Variants in PCDH15 observed in about 807,000 individuals in gnomAD.
PCDH15 encodes the protein protocadherin-15.
In PCDH15, 129 loss-of-function variants were observed where a neutral mutation model predicts 178.5. That is an observed-to-expected ratio of 0.72 (90% CI 0.63 to 0.84). The LOEUF is 0.84. Ranked by LOEUF, PCDH15 falls within the 40% of genes least tolerant of loss-of-function variation. The pLI, the probability that PCDH15 is intolerant of heterozygous loss-of-function variation, is 0.00. For missense variants in PCDH15, 2,230 were observed against 2,099.9 expected, an observed-to-expected ratio of 1.06 and a Z score of -1.21; for synonymous variants, 800 against 732.0, an observed-to-expected ratio of 1.09 and a Z score of -1.50.
At chr10:54,577,141 G>T (rs2090558248) in intron 2 of PCDH15, among the ~76,000 whole-genome samples, 1 of 151,660 alleles carries the variant, frequency 6.6e-6, no homozygotes. Context: ...GGAGTGCAGT[G>T]ACGCGATCTC....
chr10:55,506,251 T>C (rs1359469547), intron 2 of PCDH15: 1 of 151,530 alleles, frequency 6.6e-6, no homozygotes, highest in Non-Finnish European at 1.5e-5. Context: ...GGATGGACAC[T>C]GGAGAAGACA....
chr10:54,370,907 T>C (rs1947561341), intron 4 of PCDH15, among the ~76,000 whole-genome samples: 1 of 151,882 alleles, frequency 6.6e-6, no homozygotes, highest in African/African-American at 2.4e-5. Flanking sequence ...AATTTGTAGC[T>C]GTCTGAATGA....
chr10:55,364,365 T>C (rs1405506874), intron 2 of PCDH15, among the ~76,000 whole-genome samples: 1 of 152,210 alleles, frequency 6.6e-6, no homozygotes, highest in Non-Finnish European at 1.5e-5. Flanking sequence ...TATAGAATTC[T>C]GGCTTCACAG....
intron 2 of PCDH15, among the ~76,000 whole-genome samples, chr10:55,517,083 T>C (rs1384516568): frequency 2.6e-5 from 4 of 151,886 alleles, no homozygotes; most frequent in Non-Finnish European, 1.5e-5. Context: ...CTACTAAGGG[T>C]ATTTGAAAAA....
chr10:54,920,668 C>G (rs763685845), intron 2 of PCDH15, among the ~76,000 whole-genome samples: 3 of 151,962 alleles, frequency 2.0e-5, no homozygotes, highest in Non-Finnish European at 2.9e-5. Context: ...ATACACAAAG[C>G]CTTCACTAAC....
intron 3 of PCDH15, among the ~76,000 whole-genome samples, chr10:54,401,024 G>A (rs1360097390): frequency 1.3e-5 from 2 of 151,860 alleles, no homozygotes; most frequent in Non-Finnish European, 2.9e-5. Flanking sequence ...TTAAATGCAG[G>A]ACATGTATTT....
Position 54,399,242 on chromosome 10 carries a change from A to G in PCDH15, c.158-20300T>C, listed in dbSNP as rs564276254. Among the ~76,000 whole-genome samples, 28 of 152,084 alleles carry G rather than the reference A, an allele frequency of 1.8e-4. No individual in the cohort carries two copies. The South Asian group carries it at 5.8e-3, about 32-fold the overall frequency. On this transcript the variant is annotated intron_variant, in intron 3 of 37. Transcript: ENST00000644397. ...GCAGACAACTTTTGTAGGACATGGA[A>G]AAGAAGCCACTGAAGTTCAGTGTGT...
At chr10:54,442,170 A>C (rs1293051439) in intron 3 of PCDH15, among the ~76,000 whole-genome samples, 3 of 151,094 alleles carry the variant, frequency 2.0e-5, no homozygotes, top group African/African-American at 7.3e-5. Context: ...TTCTTCCTAC[A>C]GCAACTTCTG....
intron 2 of PCDH15, among the ~76,000 whole-genome samples, chr10:54,970,557 T>A (rs1437066741): frequency 2.0e-5 from 3 of 152,200 alleles, no homozygotes; most frequent in African/African-American, 7.2e-5. Context: ...TAGATTTTTT[T>A]CTGCAGTTTC....
At chr10:55,066,192 T>C (rs144734512) in intron 2 of PCDH15, among the ~76,000 whole-genome samples, 1 of 150,888 alleles carries the variant, frequency 6.6e-6, no homozygotes, top group Admixed American at 6.6e-5. Context: ...TTCTCTCTTA[T>C]TTCTCCCTTA....
chr10:54,355,477 T>G (rs1344040966), intron 5 of PCDH15, among the ~76,000 whole-genome samples: 2 of 152,054 alleles, frequency 1.3e-5, no homozygotes, highest in Non-Finnish European at 2.9e-5. Flanking sequence ...TATTCATTCT[T>G]AAACACTGTG....
chr10:55,615,675 C>A (rs552937008), intron 2 of PCDH15, among the ~76,000 whole-genome samples: 1 of 152,036 alleles, frequency 6.6e-6, no homozygotes, highest in South Asian at 2.1e-4. Flanking sequence ...CCAGATCAGC[C>A]TGGGCAACAT....
At chr10:55,219,880 T>TCA (rs71461286) in intron 1 of PCDH15, among the ~76,000 whole-genome samples, 11,999 of 143,700 alleles carry the variant, frequency 0.084, 484 homozygotes, top group African/African-American at 0.1. Context: ...CTGATATCAG[T>TCA]CACACACACA....
chr10:55,298,645 G>A (rs892699742), intron 1 of PCDH15, among the ~76,000 whole-genome samples: 2 of 151,906 alleles, frequency 1.3e-5, no homozygotes, highest in South Asian at 2.1e-4. Flanking sequence ...GTAGTGGAGT[G>A]ATCTGGGCTC....
At chr10:54,962,469 G>A (rs1321125418) in intron 2 of PCDH15, among the ~76,000 whole-genome samples, 1 of 152,228 alleles carries the variant, frequency 6.6e-6, no homozygotes, top group Admixed American at 6.5e-5. Context: ...CCTTCTGGGA[G>A]CCCAGACCTT....
chr10:54,295,354 T>C (rs533940477), intron 8 of PCDH15, among the ~76,000 whole-genome samples: 154 of 152,290 alleles, frequency 1.0e-3, no homozygotes, highest in African/African-American at 3.6e-3. Context: ...CAGCAGGATG[T>C]GGGCGGGGCC....
chr10:54,100,918 G>C (rs917690715), intron 15 of PCDH15, among the ~76,000 whole-genome samples: 23 of 151,532 alleles, frequency 1.5e-4, no homozygotes, highest in African/African-American at 4.9e-4. Flanking sequence ...TGCTCTTCAT[G>C]TCCACTTTAT....
chr10:53,941,605 G>A (rs577323090), intron 23 of PCDH15, among the ~76,000 whole-genome samples: 182 of 152,216 alleles, frequency 1.2e-3, no homozygotes, highest in Non-Finnish European at 1.2e-3. Context: ...TGGCAATTAT[G>A]ACTAAAGCCA....
At chr10:54,434,030 G>T (rs566738073) in intron 3 of PCDH15, among the ~76,000 whole-genome samples, 74 of 152,142 alleles carry the variant, frequency 4.9e-4, no homozygotes, top group Non-Finnish European at 8.4e-4. Flanking sequence ...ATCTTGTGTA[G>T]CCCTAGGCTA....
Sources: allele counts gnomAD v4.1 joint callset (sites outside exome capture counted in the v4.1 genomes callset), GRCh38; gene constraint gnomAD v4.1.1; transcripts MANE v1.5; gene names NCBI Gene and HGNC (gene_info 2026-07-23, HGNC 2026-07-21).